LDLRAD4: variants seen among roughly 807,000 people sequenced by gnomAD.
LDLRAD4 encodes the protein low density lipoprotein receptor class A domain containing 4.
Under a neutral mutation model 17.0 loss-of-function variants are expected in LDLRAD4, and 5 were observed. The observed-to-expected ratio is 0.29, with a 90% CI of 0.15 to 0.62. The LOEUF (loss-of-function observed/expected upper bound fraction) is 0.62, where lower values mean the gene tolerates loss of function less well. Ranked by LOEUF, LDLRAD4 falls within the 20% of genes least tolerant of loss-of-function variation. The pLI is 0.84. For synonymous variants in LDLRAD4, 168 were observed against 171.8 expected (o/e 0.98, Z 0.17); for missense variants, 340 against 424.7 (o/e 0.80, Z 1.75).
chr18:13,305,088 C>T (rs1004829905), intron 1 of LDLRAD4, among the ~76,000 whole-genome samples: 5 of 150,780 alleles, frequency 3.3e-5, no homozygotes, highest in Non-Finnish European at 5.9e-5. Flanking sequence ...AATCTCGTAG[C>T]CTAGAAATAT....
chr18:13,227,171 C>T (rs1277022540), intron 1 of LDLRAD4, among the ~76,000 whole-genome samples: 3 of 152,216 alleles, frequency 2.0e-5, no homozygotes, highest in Admixed American at 1.3e-4. Context: ...CTGCTTTCCT[C>T]CAAGGCATCA....
chr18:13,531,684 A>G (rs1219541480), intron 3 of LDLRAD4, among the ~76,000 whole-genome samples: 1 of 151,236 alleles, frequency 6.6e-6, no homozygotes, highest in Non-Finnish European at 1.5e-5. Flanking sequence ...AGGAAGGCAC[A>G]ATTCCTGGTG....
chr18:13,618,015 C>T (rs1404056309), intron 3 of LDLRAD4, among the ~76,000 whole-genome samples: 2 of 152,144 alleles, frequency 1.3e-5, no homozygotes, highest in African/African-American at 4.8e-5. Flanking sequence ...CGTGTGCCAG[C>T]CACACACTTG....
At chr18:13,263,628 C>T (rs140295316) in intron 1 of LDLRAD4, among the ~76,000 whole-genome samples, 3 of 152,310 alleles carry the variant, frequency 2.0e-5, no homozygotes, top group Non-Finnish European at 4.4e-5. Flanking sequence ...CTTCACTCAA[C>T]CCTCCTGTGC....
intron 3 of LDLRAD4, among the ~76,000 whole-genome samples, chr18:13,483,830 C>T (rs994703891): frequency 3.9e-5 from 6 of 152,140 alleles, no homozygotes; most frequent in African/African-American, 1.2e-4. Context: ...TACTCACTAG[C>T]GCTCCGTCTG....
intron 3 of LDLRAD4, among the ~76,000 whole-genome samples, chr18:13,448,629 G>A (rs969863944): frequency 2.0e-5 from 3 of 151,984 alleles, no homozygotes; most frequent in Admixed American, 2.0e-4. Flanking sequence ...AGATATTGAG[G>A]TAAAGATGAG....
exon 6 of LDLRAD4, chr18:13,651,139 G>A (rs560739110): frequency 7.2e-5 from 11 of 152,288 alleles, no homozygotes; most frequent in African/African-American, 2.2e-4. Flanking sequence ...GTAGCATCAC[G>A]AAGGTGTCAG....
chr18:13,325,612 C>T (rs376150763), intron 1 of LDLRAD4, among the ~76,000 whole-genome samples: 4 of 152,330 alleles, frequency 2.6e-5, no homozygotes, highest in South Asian at 4.2e-4. Context: ...TCCCTCTCCG[C>T]GTGGGCAACG....
intron 1 of LDLRAD4, among the ~76,000 whole-genome samples, chr18:13,314,548 A>G (rs981868780): frequency 3.4e-4 from 52 of 152,244 alleles, no homozygotes; most frequent in African/African-American, 1.2e-3. Context: ...TGGAGGGACC[A>G]GGTCCTGAAG....
chr18:13,366,597 A>T (rs2144748059), intron 1 of LDLRAD4, among the ~76,000 whole-genome samples: 1 of 152,362 alleles, frequency 6.6e-6, no homozygotes, highest in Non-Finnish European at 1.5e-5. Context: ...ACTTCAGCAG[A>T]AAAAAATCCT....
chr18:13,643,144 C>G (rs2042748801), intron 4 of LDLRAD4, among the ~76,000 whole-genome samples: 1 of 151,908 alleles, frequency 6.6e-6, no homozygotes, highest in South Asian at 2.1e-4. Context: ...CCATGTTGGC[C>G]AGGCTGGTCT....
intron 3 of LDLRAD4, among the ~76,000 whole-genome samples, chr18:13,473,123 T>C (rs113523761): frequency 1.5e-5 from 2 of 137,732 alleles, no homozygotes; most frequent in South Asian, 2.2e-4. Flanking sequence ...GAAGGCAGAA[T>C]ATAGTTCACA....
At chr18:13,340,954 T>TGTA (rs1463195642) in intron 1 of LDLRAD4, among the ~76,000 whole-genome samples, 1 of 152,196 alleles carries the variant, frequency 6.6e-6, no homozygotes, top group Non-Finnish European at 1.5e-5. Context: ...ATGTGGATAT[T>TGTA]CAGTTTTCCC....
chr18:13,352,614 A>T (rs1443655371), intron 1 of LDLRAD4, among the ~76,000 whole-genome samples: 1 of 152,110 alleles, frequency 6.6e-6, no homozygotes, highest in Non-Finnish European at 1.5e-5. Flanking sequence ...GGATTTGTCA[A>T]TTTATGTATT....
intron 3 of LDLRAD4, among the ~76,000 whole-genome samples, chr18:13,578,237 G>A (rs981963617): frequency 2.6e-5 from 4 of 152,206 alleles, no homozygotes; most frequent in African/African-American, 4.8e-5. Flanking sequence ...CTCAGTAAGT[G>A]CTTTTTCCCC....
chr18:13,298,675 C>T (rs548913407), intron 1 of LDLRAD4, among the ~76,000 whole-genome samples: 1 of 151,564 alleles, frequency 6.6e-6, no homozygotes, highest in Non-Finnish European at 1.5e-5. Flanking sequence ...CTGCTGTGGG[C>T]ATGGTGATGT....
chr18:13,488,635 A>G (rs2093289470), intron 3 of LDLRAD4: 2 of 152,202 alleles, frequency 1.3e-5, no homozygotes, highest in African/African-American at 4.8e-5. Flanking sequence ...CTTGTTTCCC[A>G]TCACCTAGAA....
At chr18:13,387,566 CGAGAGCCGGGCAGGTGGGCCGCGG>C in exon 2 of LDLRAD4, 1 of 677,256 alleles carries the variant, frequency 1.5e-6, no homozygotes, top group Non-Finnish European at 2.6e-6. Context: ...CCCGCCCGCG[CGAGAGCCGGGCAGGTGGGCCGCGG>C]ATGCTCCCAG....
intron 1 of LDLRAD4, 127 bp downstream of exon 1, chr18:13,219,115 G>A (rs1318824206): frequency 6.7e-6 from 1 of 149,070 alleles, no homozygotes; most frequent in Non-Finnish European, 1.5e-5. Context: ...GTTTCCCGAT[G>A]AGGCAGAGGT....
Sources: gnomAD v4.1 joint callset for allele counts (sites outside exome capture counted in the v4.1 genomes callset) on GRCh38, gnomAD v4.1.1 for gene constraint, MANE v1.5 for transcripts, NCBI Gene and HGNC (gene_info 2026-07-23, HGNC 2026-07-21) for gene names.